RDH12: variants seen among roughly 807,000 people sequenced by gnomAD.
RDH12 encodes the protein all-trans and 9-cis retinol dehydrogenase.
In RDH12, 21 loss-of-function variants were observed where a neutral mutation model predicts 34.0. The ratio of observed to expected loss-of-function variants is 0.62; its 90% CI spans 0.44 to 0.89. RDH12 has a LOEUF of 0.89. Among genes scored for constraint, RDH12 ranks in the 40% least tolerant of loss-of-function variants. The pLI, the probability that RDH12 is intolerant of heterozygous loss-of-function variation, is 0.00. For synonymous variants in RDH12, 198 were observed against 169.9 expected (o/e 1.17, Z -1.29); for missense variants, 394 against 398.6 (o/e 0.99, Z 0.10).
chr14:67,713,265 C>CAAACA (rs1555389351), intron 1 of RDH12, among the ~76,000 whole-genome samples: 2 of 150,816 alleles, frequency 1.3e-5, no homozygotes, highest in East Asian at 1.9e-4. Flanking sequence ...AACAAACAAA[C>CAAACA]AAAAAACAAA....
intron 1 of RDH12, chr14:67,715,076 A>G (rs534938263): frequency 6.6e-6 from 1 of 152,514 alleles, no homozygotes; most frequent in East Asian, 1.9e-4. Context: ...AAGGATCAGA[A>G]AAAGAAGGAA....
intron 1 of RDH12, among the ~76,000 whole-genome samples, chr14:67,712,650 C>G (rs1428634009): frequency 6.6e-6 from 1 of 152,054 alleles, no homozygotes; most frequent in African/African-American, 2.4e-5. Flanking sequence ...CTTTTAAAAT[C>G]TCATTACTAT....
In RDH12 at chr14:67,734,161, G is replaced by A; in HGVS notation, c.*313G>A. 3.0e-6 allele frequency: 1 copy of A among 328,746 alleles called. No homozygotes were observed. The highest frequency in any genetic ancestry group is 7.3e-5 in the East Asian group (1 of 13,670). 20.4% of individuals were successfully genotyped at this position (328,746 alleles called of 1,614,324 possible). A position where few individuals can be genotyped will look rare whatever the true frequency, so the allele number is the denominator to read the frequency against. ...GTGGCAGAAGAGCCCGAGAAATTGG[G>A]TCAGTTCCCTCATCAGCACCAGAGG... On this transcript the variant is annotated 3_prime_UTR_variant, in exon 9 of 9. Coordinates refer to ENST00000551171, the MANE Select transcript of RDH12 (RefSeq NM_152443.3).
chr14:67,725,028 A>G, intron 4 of RDH12, 71 bp from the exon 5 acceptor site: 1 of 1,551,002 alleles, frequency 6.4e-7, no homozygotes, highest in Non-Finnish European at 8.9e-7. Context: ...CCCCAGTCCC[A>G]AGCTCACTTA....
In RDH12 at chr14:67,729,290, C is replaced by T. The variant is rs770465995; in HGVS notation, c.758C>T (p.Pro253Leu). ...TGCCTGCTCTGGCGGCTCTTCTCCCCCTTTGTCAAGACGGCACGGGAGGGG... is the reference window on the plus strand; with the variant it reads ...TGCCTGCTCTGGCGGCTCTTCTCCCTCTTTGTCAAGACGGCACGGGAGGGG... ...LLCLLWRLFS[P>L]FVKTAREGAQ... The change falls in exon 8 of 9, where the codon CCC becomes CTC. Residue 253 changes from proline to leucine, a missense_variant. Physicochemically the swap from Pro to Leu is moderately conservative, Grantham distance 98. Transcript: ENST00000551171. 2.2e-5 allele frequency: 35 copies of T among 1,604,394 alleles called. No homozygotes were observed. The highest frequency in any genetic ancestry group is 2.8e-5 in the Non-Finnish European group (33 of 1,179,958).
intron 8 of RDH12, among the ~76,000 whole-genome samples, chr14:67,731,708 T>C (rs917860811): frequency 7.2e-5 from 11 of 152,150 alleles, no homozygotes; most frequent in African/African-American, 2.4e-4. Context: ...TTTTTATACA[T>C]AGAGAACAGT....
intron 1 of RDH12, among the ~76,000 whole-genome samples, chr14:67,720,286 GTC>G (rs1363453583): frequency 6.7e-6 from 1 of 150,126 alleles, no homozygotes; most frequent in Non-Finnish European, 1.5e-5. Flanking sequence ...AAATCAATTA[GTC>G]TCTTGTCTTC....
intron 1 of RDH12, among the ~76,000 whole-genome samples, chr14:67,710,706 A>G (rs1255384800): frequency 6.6e-6 from 1 of 151,068 alleles, no homozygotes; most frequent in Non-Finnish European, 1.5e-5. Context: ...AAAATTTTTC[A>G]CTTTTTTTTA....
At chr14:67,711,792 A>G (rs901430899) in intron 1 of RDH12, among the ~76,000 whole-genome samples, 1 of 152,262 alleles carries the variant, frequency 6.6e-6, no homozygotes, top group Admixed American at 6.5e-5. Context: ...AATTTACACC[A>G]TAAGGTACAA....
intron 1 of RDH12, among the ~76,000 whole-genome samples, chr14:67,707,378 C>T (rs1189892948): frequency 1.3e-5 from 2 of 152,088 alleles, no homozygotes; most frequent in Non-Finnish European, 2.9e-5. Context: ...TATGGTAGGA[C>T]TTGTTTGCTT....
chr14:67,729,259 C>G lies in RDH12; in HGVS notation c.727C>G (p.Leu243Val), dbSNP rs893465802. The change falls in exon 8 of 9, where the codon CTG becomes GTG. Residue 243 changes from leucine (L) to valine (V), a missense_variant. By Grantham distance (32) the Leu-to-Val change is conservative. Coordinates refer to ENST00000551171, the MANE Select transcript of RDH12 (RefSeq NM_152443.3). ...VRSELVRHSSLLCLLWRLFSP... is the reference protein window; with the variant it reads ...VRSELVRHSSVLCLLWRLFSP... ...CTCTGAGCTGGTCCGGCACTCCTCC[C>G]TGCTCTGCCTGCTCTGGCGGCTCTT... 1 of 1,607,964 alleles carries G rather than the reference C, an allele frequency of 6.2e-7. No individual in the cohort carries two copies. Among genetic ancestry groups the G allele is most frequent in the Non-Finnish European group, 8.5e-7 (1 of 1,179,942 alleles).
chr14:67,734,181 C>T lies in RDH12; in HGVS notation c.*333C>T. ...ATTGGGTCAGTTCCCTCATCAGCAC[C>T]AGAGGCTCAGCTGAGGCAAGAAGAG... is the stretch of plus-strand genomic sequence containing the variant. On this transcript the variant is annotated 3_prime_UTR_variant, in exon 9 of 9. Transcript: ENST00000551171. 3.2e-6 allele frequency: 1 copy of T among 311,046 alleles called. No homozygotes were observed. Among genetic ancestry groups the T allele is most frequent in the Non-Finnish European group, 6.4e-6 (1 of 157,124 alleles). The allele number at this position is 311,046 out of a possible 1,614,324, so 19.3% of individuals were successfully genotyped here. A position where few individuals can be genotyped will look rare whatever the true frequency, so the allele number is the denominator to read the frequency against.
chr14:67,719,122 T>A (rs900571125), intron 1 of RDH12, among the ~76,000 whole-genome samples: 7 of 152,344 alleles, frequency 4.6e-5, no homozygotes, highest in Admixed American at 4.6e-4. Flanking sequence ...AGTTATCCTT[T>A]TCCATTGGAG....
intron 4 of RDH12, 152 bp downstream of exon 4, chr14:67,724,743 C>T (rs745824490): frequency 2.8e-6 from 2 of 706,476 alleles, no homozygotes; most frequent in Non-Finnish European, 5.2e-6. Context: ...ACTGTGACAC[C>T]AACTTACACT....
chr14:67,728,533 C>T (rs949676525), intron 7 of RDH12, among the ~76,000 whole-genome samples: 3 of 152,182 alleles, frequency 2.0e-5, no homozygotes, highest in African/African-American at 7.2e-5. Flanking sequence ...AGGCAATTTA[C>T]TTAAACTTTC....
intron 2 of RDH12, 53 bp downstream of exon 2, chr14:67,720,955 C>T (rs2038117697): frequency 6.6e-6 from 1 of 152,152 alleles, no homozygotes; most frequent in Non-Finnish European, 1.5e-5. Flanking sequence ...CAAGAAGTGT[C>T]TGCTGGGAAT....
At chr14:67,722,759 T>C in intron 3 of RDH12, 49 bp downstream of exon 3, 1 of 1,435,508 alleles carries the variant, frequency 7.0e-7, no homozygotes, top group South Asian at 1.1e-5. Context: ...AGACCTGCAC[T>C]GGAAGCCGGT....
intron 1 of RDH12, among the ~76,000 whole-genome samples, chr14:67,708,979 G>C (rs2037981427): frequency 1.3e-5 from 2 of 152,088 alleles, no homozygotes; most frequent in African/African-American, 4.8e-5. Context: ...TTTTAGTAAA[G>C]ATGGGGTTTC....
intron 1 of RDH12, among the ~76,000 whole-genome samples, chr14:67,704,516 G>A (rs2037931890): frequency 6.6e-6 from 1 of 152,042 alleles, no homozygotes; most frequent in Non-Finnish European, 1.5e-5. Context: ...AACCACCCTG[G>A]GTTAGGGGAT....
Sources: gnomAD v4.1 joint callset for allele counts (sites outside exome capture counted in the v4.1 genomes callset) on GRCh38, gnomAD v4.1.1 for gene constraint, MANE v1.5 for transcripts, NCBI Gene and HGNC (gene_info 2026-07-23, HGNC 2026-07-21) for gene names.